The following ERC1 variants were observed in gnomAD, a reference collection of about 807,000 sequenced individuals.
ERC1 encodes the protein RAB6 interacting protein 2.
A neutral mutation model predicts 132.0 loss-of-function variants in ERC1; 56 were observed. The ratio of observed to expected loss-of-function variants is 0.42; its 90% CI spans 0.34 to 0.53. The LOEUF is 0.53. Among genes scored for constraint, ERC1 ranks in the 20% least tolerant of loss-of-function variants. ERC1 has a pLI of 0.03. For missense variants in ERC1, 1,202 were observed against 1,349.9 expected (o/e 0.89, Z 1.72); for synonymous variants, 478 against 476.1 (o/e 1.00, Z -0.05).
chr12:994,066 C>CAAAAAAA (rs72073964), intron 1 of ERC1, among the ~76,000 whole-genome samples: 1,180 of 64,192 alleles, frequency 0.018, 152 homozygotes, highest in African/African-American at 0.035. Flanking sequence ...AACTCCGTCT[C>CAAAAAAA]AAAAAAAAAA....
chr12:1,398,883 C>T (rs1489527886), intron 16 of ERC1, among the ~76,000 whole-genome samples: 1 of 149,314 alleles, frequency 6.7e-6, no homozygotes, highest in Non-Finnish European at 1.5e-5. Context: ...AATGAGTTCC[C>T]TAGTAAACTT....
At chr12:1,095,478 G>T (rs1565953675) in intron 3 of ERC1, among the ~76,000 whole-genome samples, 1 of 151,684 alleles carries the variant, frequency 6.6e-6, no homozygotes, top group Non-Finnish European at 1.5e-5. Flanking sequence ...TTTAAGGAGA[G>T]AAAATGAACA....
intron 8 of ERC1, among the ~76,000 whole-genome samples, chr12:1,154,851 G>A (rs886280919): frequency 6.6e-6 from 1 of 152,084 alleles, no homozygotes; most frequent in East Asian, 1.9e-4. Flanking sequence ...TAAAATGACA[G>A]TGAGATACCA....
At chr12:1,375,043 G>A (rs11061722) in intron 16 of ERC1, among the ~76,000 whole-genome samples, 61,598 of 151,834 alleles carry the variant, frequency 0.41, 13,736 homozygotes, top group African/African-American at 0.59. Context: ...CTCGTCTTAA[G>A]GGAACTCACA....
chr12:1,122,573 C>CTATTGA lies in ERC1; in HGVS notation c.1569+6541_1569+6542insATTGAT, dbSNP rs1566021425. 3.8e-4 allele frequency among the ~76,000 whole-genome samples: 8 copies of CTATTGA among 21,126 alleles called. 3 individuals carry two copies. The highest frequency in any genetic ancestry group is 1.4e-3 in the South Asian group (1 of 714). The allele number at this position is 21,126 out of a possible 152,430, so 13.9% of individuals were successfully genotyped here. ...TCTCTATCTCTATCTCTATCTGTGTCTCTATCTCTATCTCTATCTCTATCT... is the reference window on the plus strand; with the variant it reads ...TCTCTATCTCTATCTCTATCTGTGTCTATTGATCTATCTCTATCTCTATCTCTATCT... On this transcript the variant is annotated intron_variant, in intron 7 of 18. Transcript: ENST00000360905.
intron 16 of ERC1, among the ~76,000 whole-genome samples, chr12:1,396,361 AC>A (rs1163980413): frequency 1.3e-5 from 2 of 152,358 alleles, no homozygotes; most frequent in East Asian, 3.9e-4. Context: ...GGTGGGAGCT[AC>A]AAACCTATCA....
At chr12:1,407,676 A>G (rs1316747877) in intron 16 of ERC1, among the ~76,000 whole-genome samples, 1 of 152,338 alleles carries the variant, frequency 6.6e-6, no homozygotes, top group East Asian at 1.9e-4. Context: ...TTAATCAAAC[A>G]GAAATTTATT....
At chr12:1,417,840 T>C (rs1043249314) in intron 17 of ERC1, among the ~76,000 whole-genome samples, 1 of 144,678 alleles carries the variant, frequency 6.9e-6, no homozygotes, top group Non-Finnish European at 1.5e-5. Context: ...CATTGGGAAA[T>C]AAAGAGTAAA....
chr12:1,384,794 T>G (rs1460352730), intron 16 of ERC1, among the ~76,000 whole-genome samples: 1 of 152,200 alleles, frequency 6.6e-6, no homozygotes, highest in Non-Finnish European at 1.5e-5. Flanking sequence ...TGCTTAAAGT[T>G]TATGGTATTG....
At chr12:1,031,987 G>A (rs1161170007) in intron 2 of ERC1, among the ~76,000 whole-genome samples, 1 of 152,002 alleles carries the variant, frequency 6.6e-6, no homozygotes, top group Admixed American at 6.6e-5. Context: ...AAGCTTCTCT[G>A]GTGGTTCTGA....
At chr12:1,123,337 T>C (rs1196114309) in intron 7 of ERC1, among the ~76,000 whole-genome samples, 1 of 152,098 alleles carries the variant, frequency 6.6e-6, no homozygotes, top group Non-Finnish European at 1.5e-5. Flanking sequence ...TGTGATAGCA[T>C]GTGGACACCA....
intron 7 of ERC1, among the ~76,000 whole-genome samples, chr12:1,126,279 T>G (rs1423070982): frequency 6.6e-6 from 1 of 152,066 alleles, no homozygotes; most frequent in Non-Finnish European, 1.5e-5. Context: ...AACCAAACAG[T>G]GCACCTCAGA....
At position 1,179,964 on chromosome 12, in the gene ERC1, A is replaced by G. The variant is rs77285723; in HGVS notation, c.1738-576A>G. On this transcript the variant is annotated intron_variant, in intron 8 of 18. Transcript: ENST00000360905. ...TATAAGTAAATGAATGCATATAAGT[A>G]TGTATGAATGAATGGCTAAGAAAAT... 7.5e-3 allele frequency among the ~76,000 whole-genome samples: 1,137 copies of G among 152,346 alleles called. 16 individuals carry two copies. The highest frequency in any genetic ancestry group is 0.026 in the African/African-American group (1,075 of 41,586).
At chr12:1,300,614 AAC>A (rs1203244403) in intron 15 of ERC1, among the ~76,000 whole-genome samples, 2 of 151,606 alleles carry the variant, frequency 1.3e-5, no homozygotes, top group East Asian at 1.9e-4. Context: ...ACAAGAAAAA[AAC>A]AACCCCATTA....
chr12:1,312,543 G>T (rs55839706), intron 15 of ERC1, among the ~76,000 whole-genome samples: 4,084 of 152,240 alleles, frequency 0.027, 95 homozygotes, highest in South Asian at 0.1. Flanking sequence ...ATTTTTAGTA[G>T]AGACGAGGTT....
At chr12:1,342,692 A>G (rs2084038011) in intron 15 of ERC1, among the ~76,000 whole-genome samples, 1 of 152,204 alleles carries the variant, frequency 6.6e-6, no homozygotes, top group Admixed American at 6.5e-5. Flanking sequence ...TTGATAAAAT[A>G]GCAGATGAAA....
At chr12:1,119,667 CAGCCTCCCGAGT>C (rs1946859049) in intron 7 of ERC1, among the ~76,000 whole-genome samples, 1 of 152,020 alleles carries the variant, frequency 6.6e-6, no homozygotes, top group African/African-American at 2.4e-5. Context: ...TCTCCTGCCA[CAGCCTCCCGAGT>C]AGCTGGGATT....
intron 1 of ERC1, among the ~76,000 whole-genome samples, chr12:1,024,842 G>GAAAAAAAAAAA (rs201143939): frequency 6.9e-5 from 5 of 72,500 alleles, no homozygotes; most frequent in Non-Finnish European, 1.2e-4. Context: ...AAAAAAAGTG[G>GAAAAAAAAAAA]AAAAAAAAAA....
chr12:1,134,310 C>T (rs1483884337), intron 7 of ERC1, among the ~76,000 whole-genome samples: 2 of 151,014 alleles, frequency 1.3e-5, no homozygotes, highest in Admixed American at 1.3e-4. Context: ...CTTTGATTAA[C>T]ATAATGGGTT....
Sources: gnomAD v4.1 joint callset for allele counts (sites outside exome capture counted in the v4.1 genomes callset) on GRCh38, gnomAD v4.1.1 for gene constraint, MANE v1.5 for transcripts, NCBI Gene and HGNC (gene_info 2026-07-23, HGNC 2026-07-21) for gene names.